The following DCC variants were observed in gnomAD, a reference collection of about 807,000 sequenced individuals.
DCC encodes the protein DCC netrin 1 receptor.
A neutral mutation model predicts 172.5 loss-of-function variants in DCC; 58 were observed. The observed-to-expected ratio is 0.34, with a 90% CI of 0.27 to 0.42. The LOEUF (loss-of-function observed/expected upper bound fraction) is 0.42. DCC is among the 10% of genes least tolerant of loss of function. DCC has a pLI of 1.00. For missense variants in DCC, 1,740 were observed against 1,791.0 expected (o/e 0.97, Z 0.51); for synonymous variants, 709 against 644.5 (o/e 1.10, Z -1.52).
intron 7 of DCC, among the ~76,000 whole-genome samples, chr18:53,135,138 C>T (rs1173058881): frequency 6.6e-6 from 1 of 152,168 alleles, no homozygotes; most frequent in Non-Finnish European, 1.5e-5. Flanking sequence ...ACCCTCTCTG[C>T]ACCCTTGCTT....
intron 2 of DCC, among the ~76,000 whole-genome samples, chr18:52,793,165 T>C (rs1006564692): frequency 6.6e-6 from 1 of 152,186 alleles, no homozygotes; most frequent in Non-Finnish European, 1.5e-5. Flanking sequence ...ACATAGCCCA[T>C]GGGGAAGGAT....
At chr18:53,196,846 G>A (rs2055450351) in intron 9 of DCC, among the ~76,000 whole-genome samples, 1 of 152,062 alleles carries the variant, frequency 6.6e-6, no homozygotes, top group African/African-American at 2.4e-5. Flanking sequence ...AATGTTGCCA[G>A]ACTCCTGTGG....
intron 1 of DCC, among the ~76,000 whole-genome samples, chr18:52,731,208 A>G (rs1214487011): frequency 1.3e-5 from 2 of 152,212 alleles, no homozygotes; most frequent in Non-Finnish European, 2.9e-5. Context: ...ACACTGTGTA[A>G]TTAATGTTTC....
At position 53,532,300 on chromosome 18, in the gene DCC, A is replaced by G. The variant is rs2046532364; in HGVS notation, c.*1647A>G. On this transcript the variant is annotated 3_prime_UTR_variant, in exon 29 of 29. Coordinates refer to ENST00000442544, the MANE Select transcript of DCC (RefSeq NM_005215.4). ...ATTTTGAGCAAAATGGCACTGTAACAGAAGTAATAATTCAGTTTATTTTTT... is the reference window on the plus strand; with the variant it reads ...ATTTTGAGCAAAATGGCACTGTAACGGAAGTAATAATTCAGTTTATTTTTT... 6.6e-6 allele frequency: 1 copy of G among 152,252 alleles called. No individual in the cohort carries two copies. Among genetic ancestry groups the G allele is most frequent in the Non-Finnish European group, 1.5e-5 (1 of 68,040 alleles). The allele number at this position is 152,252 out of a possible 1,614,324, so 9.4% of individuals were successfully genotyped here.
At chr18:52,945,858 G>A (rs763917569) in intron 5 of DCC, among the ~76,000 whole-genome samples, 3 of 152,158 alleles carry the variant, frequency 2.0e-5, no homozygotes, top group Admixed American at 1.3e-4. Flanking sequence ...GCTTCAATTC[G>A]TGGCCAGTAG....
intron 5 of DCC, among the ~76,000 whole-genome samples, chr18:53,048,589 G>C: frequency 7.3e-6 from 1 of 137,770 alleles, no homozygotes; most frequent in Non-Finnish European, 1.6e-5. Flanking sequence ...ATATATATAC[G>C]TATATACATA....
chr18:52,612,126 T>C (rs1332774157), intron 1 of DCC, among the ~76,000 whole-genome samples: 1 of 152,166 alleles, frequency 6.6e-6, no homozygotes, highest in Non-Finnish European at 1.5e-5. Context: ...CCCCAATACT[T>C]ACTCAATTTC....
chr18:53,015,400 A>G (rs1046715934), intron 5 of DCC, among the ~76,000 whole-genome samples: 2 of 152,124 alleles, frequency 1.3e-5, no homozygotes, highest in Non-Finnish European at 2.9e-5. Context: ...TACAAATGCA[A>G]TTTTAGATTT....
In DCC at chr18:53,402,899, C is replaced by A; in HGVS notation, c.2935+6C>A. ...AGCCAATGGGAAAATTACTGGTAAG[C>A]ATCTCCACTTTCTCTCCCAGCATAG... On this transcript the variant is annotated splice_donor_region_variant and intron_variant, in intron 19 of 28. Coordinates refer to ENST00000442544, the MANE Select transcript of DCC (RefSeq NM_005215.4). The A allele has an allele frequency of 6.3e-7, 1 of 1,589,998 alleles. No individual in the cohort carries two copies. Among genetic ancestry groups the A allele is most frequent in the Non-Finnish European group, 8.6e-7 (1 of 1,158,052 alleles).
chr18:52,888,760 C>G (rs1198049801), intron 2 of DCC, among the ~76,000 whole-genome samples: 1 of 151,862 alleles, frequency 6.6e-6, no homozygotes, highest in African/African-American at 2.4e-5. Flanking sequence ...TAATAGTTTA[C>G]CATATATTTT....
chr18:52,547,570 A>T (rs1186392534), intron 1 of DCC, among the ~76,000 whole-genome samples: 1 of 152,140 alleles, frequency 6.6e-6, no homozygotes, highest in Non-Finnish European at 1.5e-5. Context: ...AACTCTATAT[A>T]CCATGAGATG....
At chr18:53,502,145 T>G (rs1366252460) in intron 27 of DCC, among the ~76,000 whole-genome samples, 1 of 152,210 alleles carries the variant, frequency 6.6e-6, no homozygotes, top group African/African-American at 2.4e-5. Context: ...ACTATTTCTC[T>G]CAAGCCATCT....
intron 26 of DCC, among the ~76,000 whole-genome samples, chr18:53,494,941 G>T (rs1345914771): frequency 6.6e-6 from 1 of 152,124 alleles, no homozygotes. Context: ...GGCTAGTACC[G>T]GTTGTTCCTT....
At chr18:52,952,816 A>C (rs961903114) in intron 5 of DCC, among the ~76,000 whole-genome samples, 1 of 152,030 alleles carries the variant, frequency 6.6e-6, no homozygotes, top group African/African-American at 2.4e-5. Context: ...CCTCGGCAAC[A>C]TAGTGAGATC....
intron 5 of DCC, among the ~76,000 whole-genome samples, chr18:53,062,729 C>T (rs2042513347): frequency 6.6e-6 from 1 of 152,032 alleles, no homozygotes; most frequent in African/African-American, 2.4e-5. Flanking sequence ...AATTATAATA[C>T]AGTATAGTAA....
At chr18:53,492,769 A>G (rs2045973428) in intron 26 of DCC, among the ~76,000 whole-genome samples, 1 of 152,100 alleles carries the variant, frequency 6.6e-6, no homozygotes, top group South Asian at 2.1e-4. Context: ...TTTTTTGCTT[A>G]GGATTCTCTT....
At chr18:53,270,530 T>C (rs947379691) in intron 12 of DCC, among the ~76,000 whole-genome samples, 7 of 152,160 alleles carry the variant, frequency 4.6e-5, no homozygotes, top group African/African-American at 1.7e-4. Context: ...TGTTTAAAGA[T>C]ACAAATGTCA....
At chr18:53,437,406 C>T (rs185784648) in intron 22 of DCC, among the ~76,000 whole-genome samples, 1 of 151,902 alleles carries the variant, frequency 6.6e-6, no homozygotes, top group East Asian at 1.9e-4. Context: ...CGGTGAAACC[C>T]TGTCTCTACT....
At chr18:52,512,245 C>A (rs1034257806) in intron 1 of DCC, among the ~76,000 whole-genome samples, 5 of 152,178 alleles carry the variant, frequency 3.3e-5, no homozygotes, top group African/African-American at 1.2e-4. Flanking sequence ...TTTCCTCTAC[C>A]ATTCCTGTGG....
Sources: allele counts gnomAD v4.1 joint callset (sites outside exome capture counted in the v4.1 genomes callset), GRCh38; gene constraint gnomAD v4.1.1; transcripts MANE v1.5; gene names NCBI Gene and HGNC (gene_info 2026-07-23, HGNC 2026-07-21).